NFIA: variants seen among roughly 807,000 people sequenced by gnomAD.
NFIA encodes the protein nuclear factor 1 A-type.
In NFIA, 8 loss-of-function variants were observed where a neutral mutation model predicts 62.8. The ratio of observed to expected loss-of-function variants is 0.13; its 90% CI spans 0.07 to 0.23. The LOEUF (loss-of-function observed/expected upper bound fraction) is 0.23, where lower values mean the gene tolerates loss of function less well. NFIA is among the 10% of genes least tolerant of loss of function. The pLI is 1.00. For missense variants in NFIA, 410 were observed against 642.1 expected, an observed-to-expected ratio of 0.64 and a Z score of 3.91; for synonymous variants, 235 against 238.1, an observed-to-expected ratio of 0.99 and a Z score of 0.12.
chr1:61,098,899 TAC>T (rs779580733), intron 2 of NFIA, among the ~76,000 whole-genome samples: 58 of 152,220 alleles, frequency 3.8e-4, no homozygotes, highest in Middle Eastern at 3.4e-3. Flanking sequence ...TATGTAGTAA[TAC>T]ACACACACAG....
chr1:61,096,083 G>A (rs955081517), intron 2 of NFIA, among the ~76,000 whole-genome samples: 2 of 151,828 alleles, frequency 1.3e-5, no homozygotes, highest in African/African-American at 4.8e-5. Flanking sequence ...TTAAAATAAA[G>A]CCAAAATCAT....
intron 8 of NFIA, 35 bp downstream of exon 8, chr1:61,404,317 A>G (rs757247918): frequency 6.4e-7 from 1 of 1,553,782 alleles, no homozygotes; most frequent in Non-Finnish European, 8.7e-7. Context: ...TTCTTTAGAA[A>G]TGTTAGCCGA....
chr1:61,430,744 T>A (rs1667065551), intron 10 of NFIA, among the ~76,000 whole-genome samples: 1 of 152,332 alleles, frequency 6.6e-6, no homozygotes, highest in East Asian at 1.9e-4. Flanking sequence ...TCAAACTGCC[T>A]TCCAATTGCA....
chr1:61,216,015 G>A (rs372715587), intron 2 of NFIA, among the ~76,000 whole-genome samples: 1 of 152,334 alleles, frequency 6.6e-6, no homozygotes, highest in South Asian at 2.1e-4. Flanking sequence ...GTTACCAGGT[G>A]CAAGGACAAA....
At position 61,332,227 on chromosome 1, in the gene NFIA, A is replaced by C. The variant is rs550533324; in HGVS notation, c.626-285A>C. 7.9e-4 allele frequency among the ~76,000 whole-genome samples: 121 copies of C among 152,284 alleles called. 3 individuals carry two copies. In the South Asian group the frequency reaches 0.025, roughly 32 times the overall value. On this transcript the variant is annotated intron_variant, in intron 3 of 10. Coordinates refer to ENST00000403491, the MANE Select transcript of NFIA (RefSeq NM_001134673.4). ...GTCTTAGAGGTCACCCAAGGTAACT[A>C]TTTATTGTAAATTGTCTTTTGTTTC...
At chr1:61,202,541 T>C (rs1212544032) in intron 2 of NFIA, among the ~76,000 whole-genome samples, 5 of 152,208 alleles carry the variant, frequency 3.3e-5, no homozygotes, top group Non-Finnish European at 5.9e-5. Flanking sequence ...ACATACCAGG[T>C]CTATAGAAAT....
chr1:61,300,766 A>G (rs1659456372), intron 3 of NFIA, among the ~76,000 whole-genome samples: 2 of 152,148 alleles, frequency 1.3e-5, no homozygotes, highest in Admixed American at 6.6e-5. Context: ...GTATGTGTTT[A>G]TATATGTACC....
At chr1:61,160,692 T>C (rs1649133229) in intron 2 of NFIA, among the ~76,000 whole-genome samples, 1 of 152,222 alleles carries the variant, frequency 6.6e-6, no homozygotes, top group Admixed American at 6.5e-5. Context: ...TTGGGGCTGC[T>C]TTAGTAGCCC....
In NFIA at chr1:61,103,608, G is replaced by A. The variant is rs566341869; in HGVS notation, c.559+14928G>A. On this transcript the variant is annotated intron_variant, in intron 2 of 10. Coordinates refer to ENST00000403491, the MANE Select transcript of NFIA (RefSeq NM_001134673.4). The stretch of plus-strand genomic sequence containing the variant: ...TGCATAGAACCTGGCACTTAACTGT[G>A]CACTCAGTATCTTTGTTTAGCTGGT... Among the ~76,000 whole-genome samples, 9 of 152,262 alleles carry A rather than the reference G, an allele frequency of 5.9e-5. No individual in the cohort carries two copies. The South Asian group carries it at 6.2e-4, about 11-fold the overall frequency.
chr1:61,200,658 G>A (rs1652415960), intron 2 of NFIA, among the ~76,000 whole-genome samples: 1 of 152,060 alleles, frequency 6.6e-6, no homozygotes, highest in East Asian at 1.9e-4. Context: ...ATCTACTTAG[G>A]TTCCACAAGT....
intron 2 of NFIA, among the ~76,000 whole-genome samples, chr1:61,103,378 G>A (rs1646544468): frequency 6.6e-6 from 1 of 152,146 alleles, no homozygotes. Flanking sequence ...CCTCAAGGAA[G>A]CTTTCTTTTC....
chr1:61,242,332 G>C (rs1332226268), intron 2 of NFIA, among the ~76,000 whole-genome samples: 1 of 152,100 alleles, frequency 6.6e-6, no homozygotes, highest in Non-Finnish European at 1.5e-5. Context: ...TGGCATGTTG[G>C]TTCATTGTGC....
chr1:61,133,440 G>A (rs1314555954), intron 2 of NFIA, among the ~76,000 whole-genome samples: 2 of 152,104 alleles, frequency 1.3e-5, no homozygotes, highest in East Asian at 3.8e-4. Flanking sequence ...ATGTACACTA[G>A]AATGTTTTAT....
At chr1:61,319,860 T>A (rs2100365609) in intron 3 of NFIA, among the ~76,000 whole-genome samples, 1 of 148,126 alleles carries the variant, frequency 6.8e-6, no homozygotes, top group East Asian at 2.0e-4. Flanking sequence ...CACACTCTAT[T>A]AAGCCAGGAC....
At chr1:61,082,871 G>C (rs1646139102) in intron 1 of NFIA, 53 bp downstream of exon 1, 1 of 1,530,050 alleles carries the variant, frequency 6.5e-7, no homozygotes, top group Non-Finnish European at 8.8e-7. Flanking sequence ...CCGGGGGCAG[G>C]GCTGGGGCTG....
chr1:61,216,711 G>T (rs888745257), intron 2 of NFIA, among the ~76,000 whole-genome samples: 2 of 152,106 alleles, frequency 1.3e-5, no homozygotes, highest in Non-Finnish European at 2.9e-5. Flanking sequence ...TCTAAAAAGG[G>T]GATTGAGGCT....
intron 10 of NFIA, among the ~76,000 whole-genome samples, chr1:61,445,112 C>G (rs866831193): frequency 2.0e-5 from 3 of 152,192 alleles, no homozygotes; most frequent in African/African-American, 7.2e-5. Context: ...ATCTCCATCT[C>G]AGAAGTCACT....
chr1:61,105,739 A>G (rs780488467), intron 2 of NFIA, among the ~76,000 whole-genome samples: 4 of 151,948 alleles, frequency 2.6e-5, no homozygotes, highest in Non-Finnish European at 4.4e-5. Flanking sequence ...GATTATTTCC[A>G]TTATGGCAAA....
chr1:61,184,123 AC>A lies in NFIA; in HGVS notation c.560-93395del, dbSNP rs1336764768. 2.6e-3 allele frequency among the ~76,000 whole-genome samples: 350 copies of A among 136,056 alleles called. 1 individual carries two copies. The highest frequency in any genetic ancestry group is 4.3e-3 in the Non-Finnish European group (270 of 62,354). 89.3% of individuals were successfully genotyped at this position (136,056 alleles called of 152,430 possible). A position where few individuals can be genotyped will look rare whatever the true frequency, so the allele number is the denominator to read the frequency against. On this transcript the variant is annotated intron_variant, in intron 2 of 10. Transcript: ENST00000403491. ...AAGGTTTATGGGGGGGGGAAAAAAAACCAAAAAAAAAAAAAAAAACCCAAAA... is the reference window on the plus strand; with the variant it reads ...AAGGTTTATGGGGGGGGGAAAAAAAACAAAAAAAAAAAAAAAAACCCAAAA...
Sources: allele counts gnomAD v4.1 joint callset (sites outside exome capture counted in the v4.1 genomes callset), GRCh38; gene constraint gnomAD v4.1.1; transcripts MANE v1.5; gene names NCBI Gene and HGNC (gene_info 2026-07-23, HGNC 2026-07-21).